The following CCDC149 variants were observed in gnomAD, a reference collection of about 807,000 sequenced individuals.
The protein encoded by CCDC149 is coiled-coil domain containing 149.
Under a neutral mutation model 59.9 loss-of-function variants are expected in CCDC149, and 45 were observed. The observed-to-expected ratio is 0.75, with a 90% CI of 0.59 to 0.96. The LOEUF (loss-of-function observed/expected upper bound fraction) is 0.96. Among genes scored for constraint, CCDC149 ranks in the 40% least tolerant of loss-of-function variants. The pLI, the probability that CCDC149 is intolerant of heterozygous loss-of-function variation, is 0.00. For missense variants in CCDC149, 584 were observed against 664.7 expected (o/e 0.88, Z 1.33); for synonymous variants, 245 against 260.6 (o/e 0.94, Z 0.58).
intron 2 of CCDC149, 151 bp downstream of exon 2, chr4:24,876,385 G>C: frequency 1.4e-6 from 1 of 701,032 alleles, no homozygotes; most frequent in Non-Finnish European, 2.3e-6. Context: ...CTGGGTTGTT[G>C]AGGAAATAGA....
chr4:24,838,518 C>T lies in CCDC149; in HGVS notation c.373-246G>A, dbSNP rs563890294. Among the ~76,000 whole-genome samples, 3 of 152,234 alleles carry T rather than the reference C, an allele frequency of 2.0e-5. No homozygotes were observed. The South Asian group carries it at 6.2e-4, about 32-fold the overall frequency. On this transcript the variant is annotated intron_variant, in intron 4 of 12. Coordinates refer to ENST00000635206, the MANE Select transcript of CCDC149 (RefSeq NM_001330643.2). ...TCTAGGCTGGATGTCTGGTGGAGCACTGCCACTGGGAGGAAACAAACTCTG... is the reference window on the plus strand; with the variant it reads ...TCTAGGCTGGATGTCTGGTGGAGCATTGCCACTGGGAGGAAACAAACTCTG...
intron 1 of CCDC149, among the ~76,000 whole-genome samples, chr4:24,910,981 C>CTACG (rs1282104956): frequency 6.6e-6 from 1 of 152,158 alleles, no homozygotes; most frequent in Non-Finnish European, 1.5e-5. Flanking sequence ...TGGCCCCTGG[C>CTACG]TACGTGCCCA....
intron 1 of CCDC149, among the ~76,000 whole-genome samples, chr4:24,918,744 C>T (rs1722204412): frequency 6.6e-6 from 1 of 152,164 alleles, no homozygotes; most frequent in Non-Finnish European, 1.5e-5. Context: ...GCTGGGGCTC[C>T]CTTGGTCTGA....
At chr4:24,880,466 T>C (rs186200227) in intron 1 of CCDC149, among the ~76,000 whole-genome samples, 1 of 152,286 alleles carries the variant, frequency 6.6e-6, no homozygotes, top group Admixed American at 6.5e-5. Context: ...TAGAAAACTC[T>C]AGGAAGTGGG....
intron 1 of CCDC149, among the ~76,000 whole-genome samples, chr4:24,940,694 G>A (rs1313855846): frequency 1.3e-5 from 2 of 152,128 alleles, no homozygotes; most frequent in Non-Finnish European, 2.9e-5. Context: ...TAAAAGGATG[G>A]AGGAAGATCT....
At chr4:24,935,652 C>T (rs1249164362) in intron 1 of CCDC149, among the ~76,000 whole-genome samples, 1 of 152,132 alleles carries the variant, frequency 6.6e-6, no homozygotes, top group African/African-American at 2.4e-5. Context: ...AAGCCCTTAC[C>T]AGACACCAAA....
At chr4:24,811,870 C>G (rs912381562) in intron 12 of CCDC149, among the ~76,000 whole-genome samples, 1 of 54,094 alleles carries the variant, frequency 1.8e-5, no homozygotes, top group Non-Finnish European at 3.9e-5. Flanking sequence ...GAGACTCCGA[C>G]TCAAAAAAAA....
At chr4:24,825,712 G>T (rs1334773643) in intron 9 of CCDC149, among the ~76,000 whole-genome samples, 1 of 151,440 alleles carries the variant, frequency 6.6e-6, no homozygotes, top group Non-Finnish European at 1.5e-5. Flanking sequence ...GGCAGAGCTT[G>T]TAGTGAGCCG....
intron 1 of CCDC149, among the ~76,000 whole-genome samples, chr4:24,880,671 T>C (rs1719781997): frequency 6.6e-6 from 1 of 152,254 alleles, no homozygotes; most frequent in African/African-American, 2.4e-5. Context: ...CCAGCAAATA[T>C]AAGGCTGGGG....
intron 8 of CCDC149, among the ~76,000 whole-genome samples, chr4:24,834,497 G>A (rs1261064739): frequency 5.3e-5 from 8 of 152,156 alleles, no homozygotes; most frequent in African/African-American, 1.7e-4. Context: ...TGATCGTAGA[G>A]GCCGGGAAAA....
At chr4:24,971,405 C>A (rs970864888) in intron 1 of CCDC149, among the ~76,000 whole-genome samples, 1 of 152,208 alleles carries the variant, frequency 6.6e-6, no homozygotes, top group African/African-American at 2.4e-5. Flanking sequence ...CCAAGGCAGG[C>A]TTCCAGTGCA....
chr4:24,926,883 G>A (rs1722447420), intron 1 of CCDC149, among the ~76,000 whole-genome samples: 1 of 152,162 alleles, frequency 6.6e-6, no homozygotes, highest in South Asian at 2.1e-4. Context: ...CCTACACGGG[G>A]CCACTCCATG....
intron 2 of CCDC149, among the ~76,000 whole-genome samples, chr4:24,876,252 G>A (rs1362619016): frequency 6.8e-6 from 1 of 146,146 alleles, no homozygotes; most frequent in Non-Finnish European, 1.5e-5. Context: ...ACATGAATAT[G>A]TTCACAGATG....
chr4:24,820,690 T>A (rs923144131), intron 11 of CCDC149, among the ~76,000 whole-genome samples: 1 of 152,182 alleles, frequency 6.6e-6, no homozygotes, highest in Non-Finnish European at 1.5e-5. Flanking sequence ...GAAAACATCA[T>A]AACATGATTC....
intron 1 of CCDC149, among the ~76,000 whole-genome samples, chr4:24,972,945 A>C (rs1404416368): frequency 6.6e-6 from 1 of 152,188 alleles, no homozygotes; most frequent in Non-Finnish European, 1.5e-5. Context: ...TGAGCAGGAA[A>C]CATTCACCAT....
chr4:24,939,090 T>G (rs2109346994), intron 1 of CCDC149, among the ~76,000 whole-genome samples: 1 of 152,356 alleles, frequency 6.6e-6, no homozygotes, highest in East Asian at 1.9e-4. Context: ...ACGGGCAGAC[T>G]GCCTCCTCAA....
intron 1 of CCDC149, among the ~76,000 whole-genome samples, chr4:24,877,051 T>A (rs1340214419): frequency 6.6e-6 from 1 of 152,188 alleles, no homozygotes; most frequent in Non-Finnish European, 1.5e-5. Flanking sequence ...TTAATAAAAA[T>A]TTTATTAAAA....
intron 1 of CCDC149, among the ~76,000 whole-genome samples, chr4:24,924,400 T>C (rs1035571548): frequency 6.6e-6 from 1 of 152,226 alleles, no homozygotes; most frequent in African/African-American, 2.4e-5. Context: ...TGTTCATGGA[T>C]TCCATGCTCA....
chr4:24,964,572 A>G (rs1044531090), intron 1 of CCDC149, among the ~76,000 whole-genome samples: 2 of 152,214 alleles, frequency 1.3e-5, no homozygotes, highest in African/African-American at 4.8e-5. Context: ...CTAAAGCAAT[A>G]TTGACCTGTG....
Sources: gnomAD v4.1 joint callset for allele counts (sites outside exome capture counted in the v4.1 genomes callset) on GRCh38, gnomAD v4.1.1 for gene constraint, MANE v1.5 for transcripts, NCBI Gene and HGNC (gene_info 2026-07-23, HGNC 2026-07-21) for gene names.